Variants in CENPC observed in about 807,000 individuals in gnomAD.
The protein encoded by CENPC is centromere protein C, also known as CENP-C 1.
A neutral mutation model predicts 112.1 loss-of-function variants in CENPC; 63 were observed. The ratio of observed to expected loss-of-function variants is 0.56; its 90% CI spans 0.46 to 0.69. The LOEUF is 0.69. Among genes scored for constraint, CENPC ranks in the 30% least tolerant of loss-of-function variants. The pLI, the probability that CENPC is intolerant of heterozygous loss-of-function variation, is 0.00. For synonymous variants in CENPC, 333 were observed against 367.6 expected, an observed-to-expected ratio of 0.91 and a Z score of 1.08; for missense variants, 1,000 against 1,103.8, an observed-to-expected ratio of 0.91 and a Z score of 1.33.
At chr4:67,519,622 T>C (rs971668536) in intron 5 of CENPC, 120 bp from the exon 6 acceptor site, 2 of 681,274 alleles carry the variant, frequency 2.9e-6, no homozygotes, top group African/African-American at 3.6e-5. Context: ...CTCAAAGTCA[T>C]TAAGATTAGA....
intron 12 of CENPC, 108 bp from the exon 13 acceptor site, chr4:67,495,320 C>G: frequency 9.7e-7 from 1 of 1,026,804 alleles, no homozygotes; most frequent in Non-Finnish European, 1.4e-6. Context: ...TAAAGTTTGA[C>G]CTGATAATGT....
chr4:67,477,877 A>C (rs1724847668), intron 17 of CENPC, among the ~76,000 whole-genome samples: 1 of 152,170 alleles, frequency 6.6e-6, no homozygotes, highest in Non-Finnish European at 1.5e-5. Context: ...AACTTCCAGA[A>C]ATGAAAGGCA....
rs553147898 is a variant in CENPC at position 67,535,426 on chromosome 4, A to C, written c.231+4414T>G. Reference sequence around the variant, plus strand: ...ATGACAAAACCTATGTGATAGGTCTAAGGGTAGATTGAAGAAAAAAAAAAG... The same window carrying C: ...ATGACAAAACCTATGTGATAGGTCTCAGGGTAGATTGAAGAAAAAAAAAAG... On this transcript the variant is annotated intron_variant, in intron 4 of 18. Transcript: ENST00000273853. 7.2e-5 allele frequency among the ~76,000 whole-genome samples: 11 copies of C among 152,044 alleles called. No individual in the cohort carries two copies. In the South Asian group the frequency reaches 1.9e-3, roughly 26 times the overall value.
At chr4:67,543,540 A>G (rs552841398) in intron 2 of CENPC, among the ~76,000 whole-genome samples, 1 of 152,162 alleles carries the variant, frequency 6.6e-6, no homozygotes, top group Non-Finnish European at 1.5e-5. Context: ...TGTCCATTAA[A>G]TTGTTTCACA....
At chr4:67,543,023 T>C (rs1726930902) in intron 2 of CENPC, among the ~76,000 whole-genome samples, 1 of 152,204 alleles carries the variant, frequency 6.6e-6, no homozygotes, top group African/African-American at 2.4e-5. Flanking sequence ...CCACCATGTG[T>C]AGATTACTAC....
At chr4:67,491,075 G>T (rs549851093) in intron 16 of CENPC, among the ~76,000 whole-genome samples, 1 of 150,944 alleles carries the variant, frequency 6.6e-6, no homozygotes, top group Non-Finnish European at 1.5e-5. Flanking sequence ...CTTTGCTAAG[G>T]TGTTAAGATA....
At chr4:67,509,240 A>ATCT in intron 9 of CENPC, 135 bp from the exon 10 acceptor site, 2 of 599,108 alleles carry the variant, frequency 3.3e-6, no homozygotes, top group Admixed American at 3.0e-5. Context: ...ACACACACAC[A>ATCT]CACACACACA....
intron 7 of CENPC, among the ~76,000 whole-genome samples, chr4:67,517,774 T>C (rs775580584): frequency 1.3e-5 from 2 of 151,824 alleles, no homozygotes; most frequent in Admixed American, 6.6e-5. Flanking sequence ...GAGGGAGAGG[T>C]TGCAATGAGC....
At position 67,534,071 on chromosome 4, in the gene CENPC, C is replaced by T. The variant is rs373014913; in HGVS notation, c.232-3157G>A. On this transcript the variant is annotated intron_variant, in intron 4 of 18. Coordinates refer to ENST00000273853, the MANE Select transcript of CENPC (RefSeq NM_001812.4). ...GCATGCAAACAGAGGGTGTTAAAAG[C>T]GTGTATAGTTGAATGTGTCTTTTGT... 2.4e-4 allele frequency among the ~76,000 whole-genome samples: 37 copies of T among 151,542 alleles called. 1 individual carries two copies. In the East Asian group the frequency reaches 3.7e-3, roughly 15 times the overall value.
At chr4:67,478,643 CACACACACACACACACACACACA>C (rs1366340640) in intron 17 of CENPC, among the ~76,000 whole-genome samples, 1 of 151,048 alleles carries the variant, frequency 6.6e-6, no homozygotes, top group African/African-American at 2.4e-5. Flanking sequence ...CACACACACA[CACACACACACACACACACACACA>C]CCCAAAGTAT....
At chr4:67,475,545 C>T (rs1050404814) in intron 17 of CENPC, among the ~76,000 whole-genome samples, 2 of 152,170 alleles carry the variant, frequency 1.3e-5, no homozygotes, top group East Asian at 1.9e-4. Flanking sequence ...AAAGAGAATA[C>T]CTGGTCAAGC....
rs1724692734 is a variant in CENPC at position 67,472,465 on chromosome 4, CA to C, written c.*139del. ...AAACATGTGAGTTAGAAATGTTTAT[CA>C]AATACAAGTCTACAGAAAACTGAAT... On this transcript the variant is annotated 3_prime_UTR_variant, in exon 19 of 19. Transcript: ENST00000273853. 4 of 1,112,446 alleles carry C rather than the reference CA, an allele frequency of 3.6e-6. No homozygotes were observed. In the African/African-American group the frequency reaches 4.9e-5, roughly 14 times the overall value. 68.9% of individuals were successfully genotyped at this position (1,112,446 alleles called of 1,614,324 possible).
At chr4:67,496,707 C>T (rs982922851) in intron 12 of CENPC, among the ~76,000 whole-genome samples, 1 of 152,046 alleles carries the variant, frequency 6.6e-6, no homozygotes, top group East Asian at 1.9e-4. Context: ...ATTGGGTAGG[C>T]CCAGGGAAAG....
chr4:67,536,469 C>T (rs142682222), intron 4 of CENPC, among the ~76,000 whole-genome samples: 97 of 152,190 alleles, frequency 6.4e-4, no homozygotes, highest in Middle Eastern at 3.4e-3. Context: ...TTAAAACCTA[C>T]GGAGTCATAT....
chr4:67,526,713 CTA>C (rs1553896906), intron 5 of CENPC, among the ~76,000 whole-genome samples: 3 of 152,020 alleles, frequency 2.0e-5, no homozygotes, highest in Non-Finnish European at 4.4e-5. Context: ...ATTAAAAAAA[CTA>C]TAAACCAATC....
chr4:67,534,142 G>A (rs560810051), intron 4 of CENPC, among the ~76,000 whole-genome samples: 6 of 152,286 alleles, frequency 3.9e-5, no homozygotes, highest in Admixed American at 6.5e-5. Flanking sequence ...CTGGCTGGGC[G>A]CAGTGGCTCA....
At chr4:67,539,706 TAG>T in intron 4 of CENPC, 132 bp downstream of exon 4, 2 of 463,772 alleles carry the variant, frequency 4.3e-6, no homozygotes, top group Non-Finnish European at 7.6e-6. Flanking sequence ...CCAAATTTTA[TAG>T]AAAGTCAATG....
At position 67,516,999 on chromosome 4, in the gene CENPC, C is replaced by T. The variant is rs1032573528; in HGVS notation, c.830+1157G>A. On this transcript the variant is annotated intron_variant, in intron 7 of 18. Transcript: ENST00000273853. ...GAACATTAAAAAATAATTTCTCAGA[C>T]ATTATATAATTAGCCCACAAGTATA... 3.3e-5 allele frequency among the ~76,000 whole-genome samples: 5 copies of T among 152,042 alleles called. No homozygotes were observed. In the East Asian group the frequency reaches 9.6e-4, roughly 29 times the overall value.
At chr4:67,505,066 T>C in intron 12 of CENPC, 139 bp downstream of exon 12, 1 of 639,290 alleles carries the variant, frequency 1.6e-6, no homozygotes, top group South Asian at 2.0e-5. Context: ...AGGGTCTTAT[T>C]AATCTCTAAC....
Sources: gnomAD v4.1 joint callset for allele counts (sites outside exome capture counted in the v4.1 genomes callset) on GRCh38, gnomAD v4.1.1 for gene constraint, MANE v1.5 for transcripts, NCBI Gene and HGNC (gene_info 2026-07-23, HGNC 2026-07-21) for gene names.